The following RNLS variants were observed in gnomAD, a reference collection of about 807,000 sequenced individuals.
RNLS encodes the protein renalase, FAD dependent amine oxidase, also known as renalase.
A neutral mutation model predicts 39.8 loss-of-function variants in RNLS; 39 were observed. That is an observed-to-expected ratio of 0.98 (90% CI 0.76 to 1.28). The LOEUF is 1.28. Ranked by LOEUF, RNLS falls within the 50% of genes most tolerant of loss-of-function variation. RNLS has a pLI of 0.00. For missense variants in RNLS, 410 were observed against 413.3 expected, an observed-to-expected ratio of 0.99 and a Z score of 0.07; for synonymous variants, 147 against 150.7, an observed-to-expected ratio of 0.98 and a Z score of 0.18.
the RNLS span, among the ~76,000 whole-genome samples, chr10:88,235,798 TAGAG>T: frequency 7.2e-5 from 11 of 151,792 alleles, no homozygotes; most frequent in African/African-American, 2.7e-4. Context: ...CAGAGAGAGA[TAGAG>T]AGGTTTTTTG....
At chr10:88,580,261 T>G (rs1313362105) in intron 3 of RNLS, among the ~76,000 whole-genome samples, 1 of 152,166 alleles carries the variant, frequency 6.6e-6, no homozygotes, top group Admixed American at 6.5e-5. Flanking sequence ...CCCTATTGGT[T>G]CTGTTTCTCT....
At chr10:88,201,133 A>T in the RNLS span, among the ~76,000 whole-genome samples, 1 of 152,046 alleles carries the variant, frequency 6.6e-6, no homozygotes, top group South Asian at 2.1e-4. Flanking sequence ...CAGTCATTGG[A>T]TATTGAAAAG....
chr10:88,188,451 T>C, the RNLS span, among the ~76,000 whole-genome samples: 1 of 152,258 alleles, frequency 6.6e-6, no homozygotes, highest in Non-Finnish European at 1.5e-5. Context: ...TCTGTTTCAA[T>C]AGCTGTTCTT....
chr10:88,538,968 TAA>T (rs1322610289), intron 4 of RNLS, among the ~76,000 whole-genome samples: 2 of 152,166 alleles, frequency 1.3e-5, no homozygotes, highest in Non-Finnish European at 2.9e-5. Context: ...TAAACAATAT[TAA>T]GAGTCCCTCT....
chr10:88,404,182 C>T (rs1010132069), intron 4 of RNLS, among the ~76,000 whole-genome samples: 1 of 152,076 alleles, frequency 6.6e-6, no homozygotes, highest in Non-Finnish European at 1.5e-5. Context: ...TCATTCTCAT[C>T]GGCAATCCTA....
the RNLS span, among the ~76,000 whole-genome samples, chr10:88,213,869 A>G: frequency 1.3e-5 from 2 of 152,198 alleles, no homozygotes; most frequent in South Asian, 4.1e-4. Flanking sequence ...TCGTTTGTTT[A>G]TTTTTGATAC....
intron 4 of RNLS, among the ~76,000 whole-genome samples, chr10:88,475,922 T>C (rs1206936579): frequency 6.6e-6 from 1 of 152,132 alleles, no homozygotes; most frequent in Non-Finnish European, 1.5e-5. Context: ...AGGAAGCAAC[T>C]GAAAAGTTAA....
rs180916171 is a variant in RNLS, at chr10:88,444,287, A to C, written c.527-81562T>G. Among the ~76,000 whole-genome samples the C allele has an allele frequency of 4.1e-3, 627 of 152,322 alleles. 5 individuals are homozygous for C. The highest frequency in any genetic ancestry group is 0.014 in the African/African-American group (597 of 41,574). On this transcript the variant is annotated intron_variant, in intron 4 of 6. Coordinates refer to ENST00000331772, the MANE Select transcript of RNLS (RefSeq NM_001031709.3). Reference sequence around the variant, plus strand: ...TGACTGTTAGAAGGAAAACTAACAAACAGAAAGGACATCCACACCAAAACC... The same window carrying C: ...TGACTGTTAGAAGGAAAACTAACAACCAGAAAGGACATCCACACCAAAACC...
chr10:88,357,932 C>T (rs1355311576), intron 5 of RNLS, among the ~76,000 whole-genome samples: 1 of 152,286 alleles, frequency 6.6e-6, no homozygotes, highest in East Asian at 1.9e-4. Context: ...ATCACAAACA[C>T]CTGTTTGGGC....
intron 4 of RNLS, among the ~76,000 whole-genome samples, chr10:88,551,851 A>G (rs1209967662): frequency 6.6e-6 from 1 of 152,176 alleles, no homozygotes; most frequent in Non-Finnish European, 1.5e-5. Context: ...CCAGTAAAAT[A>G]TCTAGCACAT....
At chr10:88,222,715 G>A in the RNLS span, among the ~76,000 whole-genome samples, 4 of 152,226 alleles carry the variant, frequency 2.6e-5, no homozygotes, top group Admixed American at 1.3e-4. Flanking sequence ...ACCTTTGGAA[G>A]GACTGATCTA....
Position 88,583,243 on chromosome 10 carries a change from C to T in RNLS, c.-53G>A. The T allele has an allele frequency of 1.2e-6, 2 of 1,602,942 alleles. No homozygotes were observed. The highest frequency in any genetic ancestry group is 2.2e-5 in the South Asian group (2 of 90,284). On this transcript the variant is annotated 5_prime_UTR_variant, in exon 1 of 7. Coordinates refer to ENST00000331772, the MANE Select transcript of RNLS (RefSeq NM_001031709.3). ...AGTCTCTGCGGCGGGGCCGTTCGGCCCGGGCTTTCTGGAAAGGCGGCCGAA... is the reference window on the plus strand; with the variant it reads ...AGTCTCTGCGGCGGGGCCGTTCGGCTCGGGCTTTCTGGAAAGGCGGCCGAA...
the RNLS span, among the ~76,000 whole-genome samples, chr10:88,216,926 T>C: frequency 6.6e-6 from 1 of 152,226 alleles, no homozygotes; most frequent in African/African-American, 2.4e-5. Context: ...GTGTGGGCTG[T>C]TGCCCAGGCG....
intron 4 of RNLS, among the ~76,000 whole-genome samples, chr10:88,489,698 C>T (rs918302360): frequency 6.6e-5 from 10 of 152,136 alleles, no homozygotes; most frequent in South Asian, 2.1e-4. Flanking sequence ...GTGACAGAGA[C>T]GCACATGTCA....
intron 4 of RNLS, among the ~76,000 whole-genome samples, chr10:88,562,621 CTG>C (rs1849260963): frequency 6.6e-6 from 1 of 152,016 alleles, no homozygotes; most frequent in African/African-American, 2.4e-5. Flanking sequence ...TATGAATAGA[CTG>C]TGTGGGAAGG....
chr10:88,506,297 A>C (rs1490642798), intron 4 of RNLS, among the ~76,000 whole-genome samples: 3 of 152,160 alleles, frequency 2.0e-5, no homozygotes, highest in Non-Finnish European at 2.9e-5. Context: ...TCCTGAATTA[A>C]AAAGAAAATT....
At position 88,284,678 on chromosome 10, in the gene RNLS, A is replaced by G. The variant is rs773190075; in HGVS notation, c.*676T>C. ...TGTTTCTATTTAATTTTTATCTTTC[A>G]TATTAGGACTGGAATTTGTTTGAAA... On this transcript the variant is annotated 3_prime_UTR_variant, in exon 7 of 7. Coordinates refer to ENST00000331772, the MANE Select transcript of RNLS (RefSeq NM_001031709.3). 5 of 984,972 alleles carry G rather than the reference A, an allele frequency of 5.1e-6. No individual in the cohort carries two copies. Among genetic ancestry groups the G allele is most frequent in the Admixed American group, 1.2e-4 (2 of 16,232 alleles). The allele number at this position is 984,972 out of a possible 1,614,324, so 61.0% of individuals were successfully genotyped here. A position where few individuals can be genotyped will look rare whatever the true frequency, so the allele number is the denominator to read the frequency against.
chr10:88,514,849 G>A (rs558350715), intron 4 of RNLS, among the ~76,000 whole-genome samples: 1 of 152,198 alleles, frequency 6.6e-6, no homozygotes, highest in Admixed American at 6.6e-5. Context: ...TGGAAATGCT[G>A]ATATCTCTCT....
chr10:88,429,029 C>A (rs193048430), intron 4 of RNLS, among the ~76,000 whole-genome samples: 2 of 151,692 alleles, frequency 1.3e-5, no homozygotes, highest in Non-Finnish European at 2.9e-5. Flanking sequence ...AGAGTTAATG[C>A]TTTCATTAAT....
Sources: allele counts gnomAD v4.1 joint callset (sites outside exome capture counted in the v4.1 genomes callset), GRCh38; gene constraint gnomAD v4.1.1; transcripts MANE v1.5; gene names NCBI Gene and HGNC (gene_info 2026-07-23, HGNC 2026-07-21).